PYY: variants seen among roughly 807,000 people sequenced by gnomAD.
The protein encoded by PYY is peptide YY.
A neutral mutation model predicts 10.3 loss-of-function variants in PYY; 12 were observed. The ratio of observed to expected loss-of-function variants is 1.17; its 90% CI spans 0.75 to 1.89. The LOEUF is 1.89. Ranked by LOEUF, PYY falls within the 40% of genes most tolerant of loss-of-function variation. The pLI, the probability that PYY is intolerant of heterozygous loss-of-function variation, is 0.00. For synonymous variants in PYY, 66 were observed against 62.0 expected, an observed-to-expected ratio of 1.06 and a Z score of -0.30; for missense variants, 141 against 134.0, an observed-to-expected ratio of 1.05 and a Z score of -0.26.
intron 2 of PYY, among the ~76,000 whole-genome samples, chr17:43,959,244 C>T (rs994553627): frequency 6.6e-6 from 1 of 152,208 alleles, no homozygotes; most frequent in Non-Finnish European, 1.5e-5. Context: ...TTTAAGCTGA[C>T]TTTTTCAAAA....
At chr17:43,970,569 C>A (rs972615975) in intron 1 of PYY, among the ~76,000 whole-genome samples, 1 of 151,296 alleles carries the variant, frequency 6.6e-6, no homozygotes, top group Non-Finnish European at 1.5e-5. Context: ...GTCAATGGAA[C>A]AGAATAGACA....
At chr17:43,965,789 CAAAAAAAAAAAAAAAA>C (rs67609128) in intron 2 of PYY, among the ~76,000 whole-genome samples, 2 of 31,924 alleles carry the variant, frequency 6.3e-5, no homozygotes, top group Non-Finnish European at 1.1e-4. Flanking sequence ...ATCCATCTCA[CAAAAAAAAAAAAAAAA>C]AAAAAAAAAA....
upstream of PYY, among the ~76,000 whole-genome samples, chr17:43,955,971 A>G (rs1422633762): frequency 3.3e-5 from 5 of 152,022 alleles, no homozygotes; most frequent in East Asian, 9.6e-4. Flanking sequence ...CGGCGGCACT[A>G]ACCATGGTGC....
At chr17:43,972,675 T>A (rs573448449) in intron 1 of PYY, among the ~76,000 whole-genome samples, 17 of 152,204 alleles carry the variant, frequency 1.1e-4, no homozygotes, top group Non-Finnish European at 2.5e-4. Flanking sequence ...CAAACAGGCA[T>A]GCACCACTAT....
At chr17:43,997,592 C>G (rs62080330) in intron 1 of PYY, among the ~76,000 whole-genome samples, 22,123 of 152,076 alleles carry the variant, frequency 0.15, 1,981 homozygotes, top group Non-Finnish European at 0.2. Context: ...GACTTTTACT[C>G]TCAGTGAGAT....
chr17:43,996,267 G>A (rs915246372), intron 1 of PYY, among the ~76,000 whole-genome samples: 4 of 152,098 alleles, frequency 2.6e-5, no homozygotes, highest in African/African-American at 7.2e-5. Context: ...CTGAGACTAC[G>A]TGGAGAGAGA....
At chr17:43,954,845 G>T (rs2048661505), upstream of PYY, among the ~76,000 whole-genome samples, 1 of 152,212 alleles carries the variant, frequency 6.6e-6, no homozygotes, top group Non-Finnish European at 1.5e-5. Flanking sequence ...GAAAGGACTC[G>T]TGTTTATTAA....
At position 43,988,100 on chromosome 17, in the gene PYY, C is replaced by A. The variant is rs1731885; in HGVS notation, c.-463+16291G>T. Among the ~76,000 whole-genome samples the A allele has an allele frequency of 1.8e-4, 28 of 152,056 alleles. No homozygotes were observed. The East Asian group carries it at 3.3e-3, about 18-fold the overall frequency. ...ACCACAGGGAGAGGAGAAGGTGACC[C>A]GTGGGAGCCCCAGAGCCACCAAGTC... On this transcript the variant is annotated intron_variant, in intron 1 of 6. Transcript: ENST00000360085.
intron 1 of PYY, among the ~76,000 whole-genome samples, chr17:43,988,062 C>T (rs934169148): frequency 6.6e-6 from 1 of 152,136 alleles, no homozygotes; most frequent in Non-Finnish European, 1.5e-5. Context: ...CCCACTCATC[C>T]ATCACTGAAA....
Position 43,975,745 on chromosome 17 carries a change from T to C in PYY, c.-462-9213A>G, listed in dbSNP as rs866010790. On this transcript the variant is annotated intron_variant, in intron 1 of 6. Coordinates refer to the PYY transcript ENST00000360085. ...AAAAAAATATATATATATATATATA[T>C]ACACACACACACACATATATATATA... Among the ~76,000 whole-genome samples, 209 of 105,854 alleles carry C rather than the reference T, an allele frequency of 2.0e-3. 58 individuals are homozygous for C. Among genetic ancestry groups the C allele is most frequent in the Admixed American group, 2.4e-3 (26 of 10,956 alleles). 69.4% of individuals were successfully genotyped at this position (105,854 alleles called of 152,430 possible). A position where few individuals can be genotyped will look rare whatever the true frequency, so the allele number is the denominator to read the frequency against.
At position 43,976,225 on chromosome 17, in the gene PYY, A is replaced by C. The variant is rs12938493; in HGVS notation, c.-462-9693T>G. Among the ~76,000 whole-genome samples the C allele has an allele frequency of 1.9e-5, 2 of 107,202 alleles. 1 individual carries two copies. Among genetic ancestry groups the C allele is most frequent in the Non-Finnish European group, 3.6e-5 (2 of 56,328 alleles). The allele number at this position is 107,202 out of a possible 152,430, so 70.3% of individuals were successfully genotyped here. A position where few individuals can be genotyped will look rare whatever the true frequency, so the allele number is the denominator to read the frequency against. ...TATACATATACGTATATGTATACAT[A>C]TATACATATGCGTATATATACACAT... On this transcript the variant is annotated intron_variant, in intron 1 of 6. Transcript: ENST00000360085.
At chr17:43,980,524 G>A (rs1297162157) in intron 1 of PYY, among the ~76,000 whole-genome samples, 1 of 151,562 alleles carries the variant, frequency 6.6e-6, no homozygotes, top group East Asian at 1.9e-4. Context: ...ACCCAGGCTG[G>A]AGCGTAGTAG....
intron 1 of PYY, among the ~76,000 whole-genome samples, chr17:44,002,164 T>C (rs2049032016): frequency 6.6e-6 from 1 of 152,146 alleles, no homozygotes; most frequent in African/African-American, 2.4e-5. Context: ...GGAGGTCCTA[T>C]GTCAGCCCCT....
intron 2 of PYY, among the ~76,000 whole-genome samples, chr17:43,961,027 C>A (rs1389619067): frequency 6.6e-6 from 1 of 151,920 alleles, no homozygotes; most frequent in African/African-American, 2.4e-5. Context: ...TTGAGACCAG[C>A]CTGGGCAACA....
At chr17:43,973,060 A>C (rs566898999) in intron 1 of PYY, among the ~76,000 whole-genome samples, 2 of 152,028 alleles carry the variant, frequency 1.3e-5, no homozygotes, top group South Asian at 4.2e-4. Flanking sequence ...GCTGGTCTCA[A>C]ACTCCTGGCC....
chr17:43,986,117 G>A (rs970850137), intron 1 of PYY, among the ~76,000 whole-genome samples: 1 of 152,180 alleles, frequency 6.6e-6, no homozygotes, highest in Non-Finnish European at 1.5e-5. Context: ...AAATTAGTCG[G>A]ATGTAGTGGT....
upstream of PYY, among the ~76,000 whole-genome samples, chr17:43,957,436 T>G (rs2048681641): frequency 6.6e-6 from 1 of 151,680 alleles, no homozygotes; most frequent in Non-Finnish European, 1.5e-5. Flanking sequence ...GGCAGGTGGA[T>G]CATCTGAGGC....
At chr17:43,958,184 ATCTT>A (rs2143894377), upstream of PYY, among the ~76,000 whole-genome samples, 1 of 142,104 alleles carries the variant, frequency 7.0e-6, no homozygotes, top group East Asian at 2.0e-4. Flanking sequence ...GCTTCAGTAA[ATCTT>A]TACTTACAGA....
chr17:43,994,393 C>T (rs1273139607), intron 1 of PYY, among the ~76,000 whole-genome samples: 1 of 152,158 alleles, frequency 6.6e-6, no homozygotes, highest in East Asian at 1.9e-4. Flanking sequence ...CCCTGCCCCA[C>T]TCACAGTAAC....
Sources: allele counts gnomAD v4.1 joint callset (sites outside exome capture counted in the v4.1 genomes callset), GRCh38; gene constraint gnomAD v4.1.1; transcripts MANE v1.5; gene names NCBI Gene and HGNC (gene_info 2026-07-23, HGNC 2026-07-21).